PRKD2: variants seen among roughly 807,000 people sequenced by gnomAD.
The protein encoded by PRKD2 is serine/threonine-protein kinase D2.
A neutral mutation model predicts 86.0 loss-of-function variants in PRKD2; 22 were observed. That is an observed-to-expected ratio of 0.26 (90% CI 0.18 to 0.37). The LOEUF is 0.37. Among genes scored for constraint, PRKD2 ranks in the 10% least tolerant of loss-of-function variants. The probability of loss-of-function intolerance (pLI) is 1.00; values close to 1 mark genes in which losing one functional copy is unlikely to be tolerated. For synonymous variants in PRKD2, 509 were observed against 510.9 expected (o/e 1.00, Z 0.05); for missense variants, 818 against 1,199.2 (o/e 0.68, Z 4.70).
intron 3 of PRKD2, chr19:46,710,676 C>T (rs898600302): frequency 2.1e-5 from 11 of 530,838 alleles, no homozygotes; most frequent in Middle Eastern, 9.9e-4. Context: ...TCCCTCCCAG[C>T]TCCACCTCCT....
In PRKD2 at chr19:46,691,718, C is replaced by T. The variant is rs1043798921; in HGVS notation, c.1702+17G>A. ...CAGCCCGGGGCTCCCTCTGGGTTAG[C>T]TCTGAAGTGTCCTCACCTCCATAGA... On this transcript the variant is annotated intron_variant, in intron 12 of 17. Transcript: ENST00000291281. 1.2e-6 allele frequency: 2 copies of T among 1,611,836 alleles called. No homozygotes were observed. Among genetic ancestry groups the T allele is most frequent in the African/African-American group, 2.7e-5 (2 of 74,862 alleles).
chr19:46,714,744 A>C (rs2053862043), intron 1 of PRKD2: 1 of 152,592 alleles, frequency 6.6e-6, no homozygotes, highest in African/African-American at 2.4e-5. Context: ...GCACTGGACA[A>C]AGAAGTTCAC....
chr19:46,714,435 G>C, intron 1 of PRKD2: 1 of 393,864 alleles, frequency 2.5e-6, no homozygotes, highest in Non-Finnish European at 3.5e-6. Context: ...GCACTGGGGT[G>C]GGGCGAGCTG....
chr19:46,689,104 C>G (rs560942745), intron 14 of PRKD2: 21 of 147,062 alleles, frequency 1.4e-4, no homozygotes, highest in African/African-American at 5.1e-4. Flanking sequence ...TACTTCTGTA[C>G]GATTATGGTT....
At position 46,690,648 on chromosome 19, in the gene PRKD2, G is replaced by A. The variant is rs765547783; in HGVS notation, c.1761C>T (p.Phe587=). 6.2e-7 allele frequency: 1 copy of A among 1,614,196 alleles called. No individual in the cohort carries two copies. The highest frequency in any genetic ancestry group is 8.5e-7 in the Non-Finnish European group (1 of 1,180,026). The change falls in exon 13 of 18, where the codon TTC becomes TTT. Residue 587 remains phenylalanine, a synonymous_variant. Coordinates refer to ENST00000291281, the MANE Select transcript of PRKD2 (RefSeq NM_016457.5). ...GGAGCTGGCTCTCCTGCTTGGTAGG[G>A]AAGCGCAGTTTGTCAATGACCTTAA... The part of the protein sequence containing the change: ...VAVKVIDKLR[F]PTKQESQLRN...
chr19:46,687,632 G>A (rs547387929), intron 14 of PRKD2, among the ~76,000 whole-genome samples: 1 of 152,210 alleles, frequency 6.6e-6, no homozygotes, highest in South Asian at 2.1e-4. Context: ...AGAGTGCTTG[G>A]CACATAGTAA....
chr19:46,714,358 A>G, intron 1 of PRKD2: 1 of 979,242 alleles, frequency 1.0e-6, no homozygotes, highest in Non-Finnish European at 1.2e-6. Flanking sequence ...CCAGGCTCAC[A>G]CACCCGCCCC....
At chr19:46,698,392 C>T (rs1174933926) in intron 7 of PRKD2, among the ~76,000 whole-genome samples, 2 of 152,166 alleles carry the variant, frequency 1.3e-5, no homozygotes, top group African/African-American at 4.8e-5. Flanking sequence ...CTGTAGTAGG[C>T]CTTTCTGAAG....
intron 14 of PRKD2, 144 bp from the exon 15 acceptor site, chr19:46,681,892 G>A (rs1568715607): frequency 1.8e-6 from 1 of 559,680 alleles, no homozygotes; most frequent in South Asian, 2.0e-5. Context: ...CAGGCTGGAA[G>A]TGCAGTGGCA....
intron 5 of PRKD2, among the ~76,000 whole-genome samples, chr19:46,702,290 T>C (rs572461187): frequency 6.6e-6 from 1 of 152,242 alleles, no homozygotes; most frequent in South Asian, 2.1e-4. Context: ...TCCACCCACC[T>C]AAGCCTCCCA....
At chr19:46,701,561 C>G (rs935329894) in intron 5 of PRKD2, among the ~76,000 whole-genome samples, 1 of 151,696 alleles carries the variant, frequency 6.6e-6, no homozygotes, top group Non-Finnish European at 1.5e-5. Flanking sequence ...CCATGTTGGT[C>G]AGGCTGGTTT....
chr19:46,684,367 G>T (rs771149748), intron 14 of PRKD2, among the ~76,000 whole-genome samples: 1 of 152,066 alleles, frequency 6.6e-6, no homozygotes, highest in Non-Finnish European at 1.5e-5. Flanking sequence ...TGTTGCCCAC[G>T]CTGGAGTGCA....
rs1341876942 is a variant in PRKD2, at chr19:46,691,740, T to A, written c.1697A>T (p.Tyr566Phe). 4 of 1,612,346 alleles carry A rather than the reference T, an allele frequency of 2.5e-6. No homozygotes were observed. Among genetic ancestry groups the A allele is most frequent in the Non-Finnish European group, 3.4e-6 (4 of 1,179,952 alleles). The change falls in exon 12 of 18, where the codon TAT becomes TTT. Residue 566 changes from tyrosine (Y) to phenylalanine (F), a missense_variant. Physicochemically the swap from Tyr to Phe is conservative, Grantham distance 22. Transcript: ENST00000291281. ...TAGCTCTGAAGTGTCCTCACCTCCA[T>A]AGACCACTCCAAACTGCCCTGAGCC... Reference protein sequence around the residue: ...VLGSGQFGVVYGGKHRKTGRD... With the variant: ...VLGSGQFGVVFGGKHRKTGRD...
intron 5 of PRKD2, among the ~76,000 whole-genome samples, chr19:46,703,303 C>A (rs750599592): frequency 2.3e-4 from 35 of 152,114 alleles, no homozygotes; most frequent in African/African-American, 8.4e-4. Context: ...ATGCTAAGCA[C>A]GTTATGAATC....
At chr19:46,683,251 T>C (rs1401782175) in intron 14 of PRKD2, among the ~76,000 whole-genome samples, 2 of 149,750 alleles carry the variant, frequency 1.3e-5, no homozygotes, top group East Asian at 2.1e-4. Flanking sequence ...CACACCACCA[T>C]GCCCGGCTAA....
chr19:46,707,587 C>A (rs563107573), intron 3 of PRKD2, among the ~76,000 whole-genome samples: 1 of 152,130 alleles, frequency 6.6e-6, no homozygotes, highest in South Asian at 2.1e-4. Flanking sequence ...AAGACTCTGT[C>A]TCACACACAC....
Position 46,716,201 on chromosome 19 carries a change from A to G in PRKD2, c.170T>C (p.Phe57Ser). ...FHIQIGLTRE[F>S]VLLPAASELA... ...CTCGGAGGCGGCGGGCAACAGCACG[A>G]ACTCGCGGGTCAGCCCGATCTGGAT... The change falls in exon 1 of 18, where the codon TTC becomes TCC. Residue 57 changes from phenylalanine to serine, a missense_variant. By Grantham distance (155) the Phe-to-Ser change is radical. This residue lies in a region of PRKD2 where 403 missense variants were observed against 518.6 expected (regional missense o/e 0.78). Transcript: ENST00000291281. This position sits in a 1 kb window ranked among gnomAD's most constrained non-coding sequence, Gnocchi z 7.9. 3 of 1,611,012 alleles carry G rather than the reference A, an allele frequency of 1.9e-6. No homozygotes were observed. The highest frequency in any genetic ancestry group is 2.5e-6 in the Non-Finnish European group (3 of 1,179,212).
intron 3 of PRKD2, among the ~76,000 whole-genome samples, chr19:46,708,945 G>A (rs2122146768): frequency 6.7e-6 from 1 of 149,610 alleles, no homozygotes; most frequent in African/African-American, 2.5e-5. Context: ...TAATCTAGAT[G>A]TTGCCATGAA....
At chr19:46,707,010 C>T (rs2053723049) in intron 3 of PRKD2, among the ~76,000 whole-genome samples, 1 of 151,696 alleles carries the variant, frequency 6.6e-6, no homozygotes, top group Non-Finnish European at 1.5e-5. Context: ...TCTCCTGCCT[C>T]AGCCTCCCGA....
Sources: gnomAD v4.1 joint callset for allele counts (sites outside exome capture counted in the v4.1 genomes callset) on GRCh38, gnomAD v4.1.1 for gene constraint, gnomAD v4.1.1 regional missense constraint, Gnocchi (gnomAD v3.1) non-coding constraint, MANE v1.5 for transcripts, NCBI Gene and HGNC (gene_info 2026-07-23, HGNC 2026-07-21) for gene names.